LINS1: variants seen among roughly 807,000 people sequenced by gnomAD.
The protein encoded by LINS1 is protein Lines homolog 1.
Under a neutral mutation model 41.6 loss-of-function variants are expected in LINS1, and 27 were observed. That is an observed-to-expected ratio of 0.65 (90% CI 0.48 to 0.89). The LOEUF is 0.89. Among genes scored for constraint, LINS1 ranks in the 40% least tolerant of loss-of-function variants. The pLI is 0.00. For missense variants in LINS1, 955 were observed against 884.1 expected (o/e 1.08, Z -1.02); for synonymous variants, 336 against 312.9 (o/e 1.07, Z -0.78).
chr15:100,570,229 A>G lies in LINS1; in HGVS notation c.1395-112T>C. On this transcript the variant is annotated intron_variant, in intron 6 of 6. Transcript: ENST00000314742. ...AACCTATTAGATTACTTTTAAATCTATGCATCACTTCTTAAAAGAAAAAAT... is the reference window on the plus strand; with the variant it reads ...AACCTATTAGATTACTTTTAAATCTGTGCATCACTTCTTAAAAGAAAAAAT... The G allele has an allele frequency of 1.1e-5, 9 of 856,500 alleles. No homozygotes were observed. In the South Asian group the frequency reaches 1.8e-4, roughly 17 times the overall value. The allele number at this position is 856,500 out of a possible 1,614,324, so 53.1% of individuals were successfully genotyped here. A position where few individuals can be genotyped will look rare whatever the true frequency, so the allele number is the denominator to read the frequency against.
intron 3 of LINS1, among the ~76,000 whole-genome samples, chr15:100,577,230 T>A (rs1257477987): frequency 6.6e-6 from 1 of 152,206 alleles, no homozygotes; most frequent in Admixed American, 6.5e-5. Context: ...AAAGAGGAAG[T>A]CAAATTGTCC....
chr15:100,600,982 C>A (rs2039466940), intron 1 of LINS1, among the ~76,000 whole-genome samples: 1 of 152,214 alleles, frequency 6.6e-6, no homozygotes. Context: ...AGTCTCATTA[C>A]CAGTCATTTT....
At position 100,569,244 on chromosome 15, in the gene LINS1, A is replaced by G; in HGVS notation, c.2268T>C (p.Thr756=). The change falls in exon 7 of 7, where the codon ACT becomes ACC. Residue 756 remains threonine (T), a synonymous_variant. Transcript: ENST00000314742. ...IEVISNKTMN[T]L is the part of the protein sequence containing the mutation. ...AAAATAAAATGTCAATGTTTTACAA[A>G]GTGTTCATAGTTTTATTACTTATCA... 1 of 1,578,210 alleles carries G rather than the reference A, an allele frequency of 6.3e-7. No homozygotes were observed. The highest frequency in any genetic ancestry group is 1.1e-5 in the South Asian group (1 of 89,684).
intron 1 of LINS1, among the ~76,000 whole-genome samples, chr15:100,585,637 G>A (rs575545457): frequency 1.3e-5 from 2 of 152,304 alleles, no homozygotes; most frequent in East Asian, 1.9e-4. Flanking sequence ...CATGGCTAGG[G>A]TTCCAAGCTA....
chr15:100,573,806 T>G lies in LINS1; in HGVS notation c.1067A>C (p.Tyr356Ser), dbSNP rs375103881. 3.5e-5 allele frequency: 57 copies of G among 1,614,124 alleles called. No homozygotes were observed. The highest frequency in any genetic ancestry group is 8.3e-5 in the Admixed American group (5 of 60,008). The change falls in exon 5 of 7, where the codon TAT (tyrosine) becomes TCT (serine). Residue 356 changes from tyrosine to serine, a missense_variant. By Grantham distance (144) the Tyr-to-Ser change is moderately radical (BLOSUM62 -2). Transcript: ENST00000314742. ...ACCTCCAAAAAAGGAATGTTTTTCA[T>G]AAACAGACAGTGTCTTCAACAACCC... is the stretch of plus-strand genomic sequence containing the variant. The part of the protein sequence containing the change: ...NSGLLKTLSV[Y>S]EKHSFFGGDE...
intron 1 of LINS1, among the ~76,000 whole-genome samples, chr15:100,589,509 T>C (rs1380981329): frequency 6.6e-6 from 1 of 152,246 alleles, no homozygotes; most frequent in African/African-American, 2.4e-5. Flanking sequence ...GATATAAGTC[T>C]AATATTAATT....
intron 1 of LINS1, among the ~76,000 whole-genome samples, chr15:100,601,301 C>G (rs142377640): frequency 6.6e-6 from 1 of 152,118 alleles, no homozygotes; most frequent in East Asian, 1.9e-4. Context: ...ACTGACGGAC[C>G]ACGAGACAGC....
intron 1 of LINS1, among the ~76,000 whole-genome samples, chr15:100,595,303 C>T (rs998115458): frequency 4.0e-5 from 6 of 150,236 alleles, no homozygotes; most frequent in African/African-American, 1.5e-4. Context: ...ATGACTAGTA[C>T]CTAGAATATA....
Position 100,569,137 on chromosome 15 carries a change from A to AAG in LINS1, c.*100_*101insCT, listed in dbSNP as rs1555542481. On this transcript the variant is annotated 3_prime_UTR_variant, in exon 7 of 7. Transcript: ENST00000314742. ...GATTCTGTCTCAAAAAAAAAAAAAA[A>AAG]AAAGAAAACCCTTTTATGGTGATGA... The AAG allele has an allele frequency of 2.0e-5, 16 of 808,390 alleles. No individual in the cohort carries two copies. Among genetic ancestry groups the AAG allele is most frequent in the Admixed American group, 1.7e-4 (6 of 35,780 alleles). 50.1% of individuals were successfully genotyped at this position (808,390 alleles called of 1,614,324 possible).
intron 3 of LINS1, among the ~76,000 whole-genome samples, chr15:100,578,665 C>A (rs1274085593): frequency 1.3e-5 from 2 of 152,120 alleles, no homozygotes; most frequent in Non-Finnish European, 2.9e-5. Context: ...CCCAGCCATC[C>A]CATTACTGGG....
At chr15:100,595,429 A>G (rs2039203615) in intron 1 of LINS1, among the ~76,000 whole-genome samples, 2 of 152,190 alleles carry the variant, frequency 1.3e-5, no homozygotes, top group South Asian at 4.1e-4. Flanking sequence ...CCACAGAAAG[A>G]TGCTTAACCA....
In LINS1 at chr15:100,575,123, G is replaced by C. The variant is rs762077791; in HGVS notation, c.495C>G (p.Thr165=). 1.9e-6 allele frequency: 3 copies of C among 1,610,596 alleles called. No homozygotes were observed. The highest frequency in any genetic ancestry group is 1.1e-5 in the South Asian group (1 of 91,012). Residue 165 remains threonine, a synonymous_variant, in exon 4 of 7, where the codon ACC becomes ACG. Transcript: ENST00000314742. ...LLYFQLREKI[T]LSNSWIAFCQ... ...AAAAAGCAATCCAGGAATTACTTAA[G>C]GTTATCTACAAGTGAGAAAATAAAG...
At chr15:100,589,294 T>A (rs1002186228) in intron 1 of LINS1, among the ~76,000 whole-genome samples, 2 of 152,240 alleles carry the variant, frequency 1.3e-5, no homozygotes, top group Admixed American at 1.3e-4. Flanking sequence ...AATTTCCTTG[T>A]ATAAAGCTGC....
chr15:100,597,328 A>T (rs968658542), intron 1 of LINS1, among the ~76,000 whole-genome samples: 1 of 151,712 alleles, frequency 6.6e-6, no homozygotes. Flanking sequence ...TAACGTGTTC[A>T]TACTAGAAAA....
rs553468111 is a variant in LINS1, at chr15:100,597,953, C to G, written c.-104+4168G>C. ...TATATGTGAAAACACCTGTATAACT[C>G]AAGTAGGAAGATGTCAATATGTCTT... is the stretch of plus-strand genomic sequence containing the variant. On this transcript the variant is annotated intron_variant, in intron 1 of 6. Coordinates refer to ENST00000314742, the MANE Select transcript of LINS1 (RefSeq NM_001040616.3). Among the ~76,000 whole-genome samples the G allele has an allele frequency of 4.7e-4, 71 of 152,350 alleles. No individual in the cohort carries two copies. The South Asian group carries it at 0.012, about 25-fold the overall frequency.
At chr15:100,601,279 G>A (rs1292255258) in intron 1 of LINS1, among the ~76,000 whole-genome samples, 1 of 152,162 alleles carries the variant, frequency 6.6e-6, no homozygotes. Flanking sequence ...TTTGGAGGCT[G>A]GGAAGTCTAA....
intron 1 of LINS1, among the ~76,000 whole-genome samples, chr15:100,588,265 C>T (rs2038895880): frequency 6.6e-6 from 1 of 152,198 alleles, no homozygotes; most frequent in African/African-American, 2.4e-5. Flanking sequence ...GGGAGCTTGA[C>T]CTTGTAACTA....
intron 1 of LINS1, chr15:100,586,205 C>G (rs1047503647): frequency 2.6e-5 from 4 of 152,234 alleles, no homozygotes; most frequent in African/African-American, 9.6e-5. Flanking sequence ...GAGAATGCAA[C>G]TGTTTGTCTC....
intron 1 of LINS1, among the ~76,000 whole-genome samples, chr15:100,592,030 C>T (rs1189726387): frequency 6.6e-6 from 1 of 152,198 alleles, no homozygotes; most frequent in East Asian, 1.9e-4. Context: ...GAAACATCCT[C>T]TCCATTTACA....
Sources: gnomAD v4.1 joint callset for allele counts (sites outside exome capture counted in the v4.1 genomes callset) on GRCh38, gnomAD v4.1.1 for gene constraint, MANE v1.5 for transcripts, NCBI Gene and HGNC (gene_info 2026-07-23, HGNC 2026-07-21) for gene names.